Variants in DPP10 observed in about 807,000 individuals in gnomAD.
DPP10 encodes inactive dipeptidyl peptidase 10.
DPP10 carries 33 observed loss-of-function variants against 120.9 expected under a neutral mutation model. The observed-to-expected ratio is 0.27, with a 90% CI of 0.21 to 0.37. The LOEUF (loss-of-function observed/expected upper bound fraction) is 0.37. Ranked by LOEUF, DPP10 falls within the 10% of genes least tolerant of loss-of-function variation. The pLI is 1.00. For synonymous variants in DPP10, 337 were observed against 326.1 expected, an observed-to-expected ratio of 1.03 and a Z score of -0.36; for missense variants, 816 against 942.8, an observed-to-expected ratio of 0.87 and a Z score of 1.76.
intron 5 of DPP10, among the ~76,000 whole-genome samples, chr2:115,544,311 C>A (rs1327062236): frequency 6.6e-6 from 1 of 151,900 alleles, no homozygotes; most frequent in Non-Finnish European, 1.5e-5. Context: ...ACATATAAAC[C>A]TCCTGGGCTA....
At chr2:115,738,524 T>A (rs1369901414) in intron 8 of DPP10, among the ~76,000 whole-genome samples, 3 of 152,112 alleles carry the variant, frequency 2.0e-5, no homozygotes, top group Non-Finnish European at 2.9e-5. Flanking sequence ...ATTACAAGAT[T>A]TGAAAAAAGA....
At chr2:115,407,065 G>A (rs2068563940) in intron 3 of DPP10, among the ~76,000 whole-genome samples, 1 of 152,180 alleles carries the variant, frequency 6.6e-6, no homozygotes, top group South Asian at 2.1e-4. Context: ...CCTGTTAACA[G>A]GTCTCAACCT....
chr2:114,721,294 C>T (rs954987905), intron 1 of DPP10, among the ~76,000 whole-genome samples: 3 of 152,212 alleles, frequency 2.0e-5, no homozygotes, highest in Non-Finnish European at 4.4e-5. Context: ...ATGGGCCTTC[C>T]CATTGCATCC....
At chr2:115,506,982 G>A (rs1159040824) in intron 4 of DPP10, among the ~76,000 whole-genome samples, 1 of 151,384 alleles carries the variant, frequency 6.6e-6, no homozygotes. Context: ...TTGAAATATT[G>A]CCTCGTGAAC....
chr2:114,931,160 T>C (rs1044967016), intron 1 of DPP10, among the ~76,000 whole-genome samples: 4 of 152,216 alleles, frequency 2.6e-5, no homozygotes, highest in African/African-American at 9.6e-5. Context: ...TTTTTAGGTA[T>C]CTTTATAGCA....
chr2:115,041,392 A>G (rs1704632070), intron 1 of DPP10, among the ~76,000 whole-genome samples: 1 of 152,134 alleles, frequency 6.6e-6, no homozygotes, highest in African/African-American at 2.4e-5. Flanking sequence ...ACAAATAATC[A>G]TTGGCTTCTT....
At chr2:115,079,703 G>A (rs1327744927) in intron 1 of DPP10, among the ~76,000 whole-genome samples, 1 of 152,192 alleles carries the variant, frequency 6.6e-6, no homozygotes, top group African/African-American at 2.4e-5. Context: ...CATGAGATGA[G>A]CTTGATGAAG....
At chr2:114,500,074 T>C (rs1299477672) in intron 1 of DPP10, among the ~76,000 whole-genome samples, 2 of 152,212 alleles carry the variant, frequency 1.3e-5, no homozygotes, top group Non-Finnish European at 2.9e-5. Flanking sequence ...GTTTCAGAGG[T>C]ATTTTCTCAT....
At chr2:115,831,933 C>T (rs1175304772) in intron 21 of DPP10, among the ~76,000 whole-genome samples, 1 of 152,170 alleles carries the variant, frequency 6.6e-6, no homozygotes. Context: ...GAGCAGCCTA[C>T]ACTGATGATG....
At chr2:114,629,609 T>C (rs1391579691) in intron 1 of DPP10, among the ~76,000 whole-genome samples, 2 of 152,206 alleles carry the variant, frequency 1.3e-5, no homozygotes, top group African/African-American at 4.8e-5. Context: ...TCTCATTTAA[T>C]TGGCAAAAGG....
intron 1 of DPP10, among the ~76,000 whole-genome samples, chr2:115,222,016 A>G (rs762021112): frequency 2.6e-5 from 4 of 152,052 alleles, no homozygotes; most frequent in Non-Finnish European, 5.9e-5. Context: ...CACCAGAGGA[A>G]TCTGATTTAG....
chr2:114,658,047 A>T (rs573322501), intron 1 of DPP10, among the ~76,000 whole-genome samples: 3 of 152,322 alleles, frequency 2.0e-5, no homozygotes, highest in African/African-American at 7.2e-5. Flanking sequence ...GTGAGAGAAT[A>T]TGATATATGC....
intron 5 of DPP10, among the ~76,000 whole-genome samples, chr2:115,606,643 T>G (rs2083724001): frequency 6.6e-6 from 1 of 152,132 alleles, no homozygotes; most frequent in Non-Finnish European, 1.5e-5. Flanking sequence ...CTTTAGTCAG[T>G]AAGGAAAGAG....
At chr2:115,174,416 G>A (rs2053564590) in intron 1 of DPP10, among the ~76,000 whole-genome samples, 1 of 152,154 alleles carries the variant, frequency 6.6e-6, no homozygotes, top group African/African-American at 2.4e-5. Flanking sequence ...AGTCTGAAAA[G>A]GAATGGCTTA....
intron 5 of DPP10, among the ~76,000 whole-genome samples, chr2:115,616,548 A>C (rs2084516736): frequency 6.6e-6 from 1 of 151,712 alleles, no homozygotes; most frequent in Non-Finnish European, 1.5e-5. Flanking sequence ...TTATTCATCT[A>C]CAGAAGCTAT....
chr2:115,801,811 G>A (rs1182550997), intron 19 of DPP10, among the ~76,000 whole-genome samples: 1 of 152,124 alleles, frequency 6.6e-6, no homozygotes, highest in Non-Finnish European at 1.5e-5. Flanking sequence ...TAAGCTTTTT[G>A]ATGTGCTGCT....
At chr2:114,544,733 G>A (rs1368865412) in intron 1 of DPP10, among the ~76,000 whole-genome samples, 1 of 151,870 alleles carries the variant, frequency 6.6e-6, no homozygotes, top group Non-Finnish European at 1.5e-5. Flanking sequence ...ATTTATATAA[G>A]CTACTACATA....
intron 1 of DPP10, among the ~76,000 whole-genome samples, chr2:114,827,298 C>A (rs1203682673): frequency 6.6e-6 from 1 of 152,034 alleles, no homozygotes; most frequent in Non-Finnish European, 1.5e-5. Context: ...CAATGCTGGG[C>A]AGGTAATAGG....
intron 1 of DPP10, among the ~76,000 whole-genome samples, chr2:115,185,522 A>G (rs1321487872): frequency 6.6e-6 from 1 of 152,224 alleles, no homozygotes; most frequent in Non-Finnish European, 1.5e-5. Context: ...CTAAAAAATG[A>G]TGAGTACTTT....
Sources: allele counts gnomAD v4.1 joint callset (sites outside exome capture counted in the v4.1 genomes callset), GRCh38; gene constraint gnomAD v4.1.1; transcripts MANE v1.5; gene names NCBI Gene and HGNC (gene_info 2026-07-23, HGNC 2026-07-21).